Variants in CTNNA2 observed in about 807,000 individuals in gnomAD.
The protein encoded by CTNNA2 is catenin alpha-2.
CTNNA2 carries 42 observed loss-of-function variants against 101.0 expected under a neutral mutation model. That is an observed-to-expected ratio of 0.42 (90% CI 0.32 to 0.54). CTNNA2 has a LOEUF of 0.54. Ranked by LOEUF, CTNNA2 falls within the 20% of genes least tolerant of loss-of-function variation. CTNNA2 has a pLI of 0.14. For missense variants in CTNNA2, 871 were observed against 1,223.1 expected (o/e 0.71, Z 4.29); for synonymous variants, 450 against 456.4 (o/e 0.99, Z 0.18).
chr2:80,159,551 A>G (rs1315272980), intron 7 of CTNNA2, among the ~76,000 whole-genome samples: 1 of 152,188 alleles, frequency 6.6e-6, no homozygotes, highest in Admixed American at 6.6e-5. Flanking sequence ...CTTGCTTGGA[A>G]TGTCCCTTCA....
chr2:79,222,106 G>A (rs896287339), intron 2 of CTNNA2, among the ~76,000 whole-genome samples: 7 of 152,146 alleles, frequency 4.6e-5, no homozygotes, highest in Admixed American at 3.3e-4. Flanking sequence ...AGAGAGCCCC[G>A]TAATTGGGAG....
intron 7 of CTNNA2, among the ~76,000 whole-genome samples, chr2:80,098,033 G>T (rs983595467): frequency 6.6e-6 from 1 of 152,214 alleles, no homozygotes; most frequent in East Asian, 1.9e-4. Context: ...ATCCAGCTTT[G>T]TTCCATTGCT....
At chr2:79,907,087 A>T (rs576196339) in intron 6 of CTNNA2, among the ~76,000 whole-genome samples, 2 of 152,312 alleles carry the variant, frequency 1.3e-5, no homozygotes, top group Admixed American at 1.3e-4. Flanking sequence ...GCAGTTCTTG[A>T]CACGTTTAGT....
intron 7 of CTNNA2, among the ~76,000 whole-genome samples, chr2:80,284,009 G>A (rs1173218421): frequency 1.3e-5 from 2 of 152,156 alleles, no homozygotes; most frequent in African/African-American, 4.8e-5. Context: ...TGAACAATTA[G>A]TGTGAGTAGA....
At chr2:80,629,610 T>C (rs1228007864) in intron 18 of CTNNA2, among the ~76,000 whole-genome samples, 1 of 152,186 alleles carries the variant, frequency 6.6e-6, no homozygotes, top group Admixed American at 6.5e-5. Flanking sequence ...TTTAATCCCT[T>C]TCCTAGTCCC....
At chr2:79,658,240 T>C (rs1194314980) in intron 2 of CTNNA2, among the ~76,000 whole-genome samples, 2 of 152,040 alleles carry the variant, frequency 1.3e-5, no homozygotes, top group Non-Finnish European at 2.9e-5. Context: ...TTGTAAATCC[T>C]GTATTCATGG....
intron 4 of CTNNA2, among the ~76,000 whole-genome samples, chr2:79,490,997 AATT>A: frequency 6.6e-6 from 1 of 152,320 alleles, no homozygotes; most frequent in African/African-American, 2.4e-5. Flanking sequence ...GTGAAACTGT[AATT>A]ATTATATCAG....
intron 7 of CTNNA2, among the ~76,000 whole-genome samples, chr2:80,179,525 C>A (rs536724824): frequency 3.3e-5 from 5 of 152,280 alleles, no homozygotes; most frequent in Non-Finnish European, 5.9e-5. Context: ...AGGCACCCGC[C>A]ACCACACCGG....
At position 79,263,689 on chromosome 2, in the gene CTNNA2, C is replaced by T. The variant is rs1674951981; in HGVS notation, c.-405-49020C>T. On this transcript the variant is annotated intron_variant, in intron 2 of 21. Coordinates refer to the CTNNA2 transcript ENST00000466387. ...GGCAGAGTTCTCATGAATAGATTAACTTCATTACCACAAGAGTGGGAGTAT... is the reference window on the plus strand; with the variant it reads ...GGCAGAGTTCTCATGAATAGATTAATTTCATTACCACAAGAGTGGGAGTAT... 3.9e-5 allele frequency among the ~76,000 whole-genome samples: 6 copies of T among 152,118 alleles called. No homozygotes were observed. The South Asian group carries it at 1.2e-3, about 31-fold the overall frequency.
intron 7 of CTNNA2, among the ~76,000 whole-genome samples, chr2:79,925,502 A>G (rs1686962323): frequency 6.6e-6 from 1 of 152,128 alleles, no homozygotes; most frequent in Non-Finnish European, 1.5e-5. Context: ...TTTAACACCC[A>G]TTCACCAAAT....
chr2:79,354,642 T>A (rs957826941), intron 3 of CTNNA2, among the ~76,000 whole-genome samples: 3 of 152,176 alleles, frequency 2.0e-5, no homozygotes, highest in African/African-American at 7.2e-5. Flanking sequence ...GCTCCAGCTG[T>A]GTCTCTACCT....
At chr2:79,926,026 C>A (rs1003206175) in intron 7 of CTNNA2, among the ~76,000 whole-genome samples, 1 of 152,062 alleles carries the variant, frequency 6.6e-6, no homozygotes, top group Non-Finnish European at 1.5e-5. Context: ...AGATAGCAGA[C>A]CTATCCTGAA....
intron 18 of CTNNA2, among the ~76,000 whole-genome samples, chr2:80,633,528 A>C (rs1672511942): frequency 6.6e-6 from 1 of 152,170 alleles, no homozygotes; most frequent in African/African-American, 2.4e-5. Context: ...ATCATAAGGC[A>C]TGTTTCCCTC....
intron 1 of CTNNA2, among the ~76,000 whole-genome samples, chr2:79,565,726 T>C (rs1675070424): frequency 6.6e-6 from 1 of 152,112 alleles, no homozygotes; most frequent in African/African-American, 2.4e-5. Flanking sequence ...TTTTGTATAG[T>C]AAACAAGTAA....
chr2:79,324,145 TA>T (rs1356814824), intron 3 of CTNNA2, among the ~76,000 whole-genome samples: 3 of 152,180 alleles, frequency 2.0e-5, no homozygotes, highest in African/African-American at 7.2e-5. Context: ...TGGCAAGACA[TA>T]ACATAATGAC....
chr2:79,924,725 A>G (rs1686908679), intron 7 of CTNNA2, among the ~76,000 whole-genome samples: 1 of 152,116 alleles, frequency 6.6e-6, no homozygotes, highest in South Asian at 2.1e-4. Context: ...GGATAAAAGT[A>G]GAGGTGAGAT....
intron 7 of CTNNA2, among the ~76,000 whole-genome samples, chr2:80,012,471 A>G (rs1017431255): frequency 6.6e-6 from 1 of 152,148 alleles, no homozygotes; most frequent in Non-Finnish European, 1.5e-5. Context: ...TCTGCCCACC[A>G]AAGTACCTTT....
chr2:80,513,053 G>T (rs1306354482), intron 9 of CTNNA2, among the ~76,000 whole-genome samples: 1 of 152,120 alleles, frequency 6.6e-6, no homozygotes, highest in African/African-American at 2.4e-5. Flanking sequence ...GCTTACACAA[G>T]AGAGTATACC....
intron 7 of CTNNA2, among the ~76,000 whole-genome samples, chr2:80,019,393 C>T (rs1292579831): frequency 1.3e-5 from 2 of 152,194 alleles, no homozygotes; most frequent in African/African-American, 4.8e-5. Context: ...GTATCTACTT[C>T]ACCCAGACAA....
Sources: allele counts gnomAD v4.1 joint callset (sites outside exome capture counted in the v4.1 genomes callset), GRCh38; gene constraint gnomAD v4.1.1; transcripts MANE v1.5; gene names NCBI Gene and HGNC (gene_info 2026-07-23, HGNC 2026-07-21).